The following SMARCA2 variants were observed in gnomAD, a reference collection of about 807,000 sequenced individuals.
SMARCA2 encodes SWI/SNF-related matrix-associated actin-dependent regulator of chromatin subfamily A member 2.
A neutral mutation model predicts 199.8 loss-of-function variants in SMARCA2; 61 were observed. That is an observed-to-expected ratio of 0.31 (90% CI 0.25 to 0.38). The LOEUF is 0.38. SMARCA2 is among the 10% of genes least tolerant of loss of function. The pLI is 1.00. For synonymous variants in SMARCA2, 935 were observed against 732.0 expected, an observed-to-expected ratio of 1.28 and a Z score of -4.48; for missense variants, 1,344 against 2,012.2, an observed-to-expected ratio of 0.67 and a Z score of 6.35.
intron 19 of SMARCA2, among the ~76,000 whole-genome samples, chr9:2,094,834 T>A (rs996836113): frequency 2.6e-5 from 4 of 152,158 alleles, no homozygotes; most frequent in African/African-American, 9.7e-5. Context: ...TATTAGTCCT[T>A]GATGTCATTT....
In SMARCA2 at chr9:2,016,633, T is replaced by C. The variant is rs1818364087; in HGVS notation, c.-37+1229T>C. Reference sequence around the variant, plus strand: ...CGCGCACCACCGGGCAGCGGCGGTGTGGTTCGCCCGGGAAGGGGAAGGGCT... The same window carrying C: ...CGCGCACCACCGGGCAGCGGCGGTGCGGTTCGCCCGGGAAGGGGAAGGGCT... On this transcript the variant is annotated intron_variant, in intron 1 of 33. Transcript: ENST00000349721. This position sits in a 1 kb window ranked among gnomAD's most constrained non-coding sequence, Gnocchi z 5.6. Among the ~76,000 whole-genome samples, 4 of 114,662 alleles carry C rather than the reference T, an allele frequency of 3.5e-5. No homozygotes were observed. Among genetic ancestry groups the C allele is most frequent in the African/African-American group, 1.3e-4 (4 of 30,150 alleles). 75.2% of individuals were successfully genotyped at this position (114,662 alleles called of 152,430 possible). A position where few individuals can be genotyped will look rare whatever the true frequency, so the allele number is the denominator to read the frequency against.
Position 2,017,015 on chromosome 9 carries a change from A to G in SMARCA2, c.-37+1611A>G, listed in dbSNP as rs1391159030. 1 of 151,742 alleles carries G rather than the reference A, an allele frequency of 6.6e-6. No homozygotes were observed. The highest frequency in any genetic ancestry group is 2.4e-5 in the African/African-American group (1 of 41,298). 9.4% of individuals were successfully genotyped at this position (151,742 alleles called of 1,614,324 possible). The stretch of plus-strand genomic sequence containing the variant: ...GGCCTCGCAGCCTGGGTGCAGTTAC[A>G]CGGCGGAGGGCGGGGCGCGGCAGTG... On this transcript the variant is annotated intron_variant, in intron 1 of 33. Coordinates refer to ENST00000349721, the MANE Select transcript of SMARCA2 (RefSeq NM_003070.5). This position sits in a 1 kb window ranked among gnomAD's most constrained non-coding sequence, Gnocchi z 8.8.
At chr9:2,129,066 C>CA (rs554307045) in intron 27 of SMARCA2, among the ~76,000 whole-genome samples, 74 of 152,284 alleles carry the variant, frequency 4.9e-4, no homozygotes, top group African/African-American at 1.8e-3. Context: ...TAGAACAACT[C>CA]ACAGAACTCA....
At chr9:2,187,732 T>C (rs1827573104) in intron 32 of SMARCA2, among the ~76,000 whole-genome samples, 1 of 151,980 alleles carries the variant, frequency 6.6e-6, no homozygotes, top group Non-Finnish European at 1.5e-5. Context: ...ATTTCTTCTT[T>C]CCTATGTGTG....
At chr9:2,109,792 T>G (rs12336319) in intron 23 of SMARCA2, among the ~76,000 whole-genome samples, 1 of 152,142 alleles carries the variant, frequency 6.6e-6, no homozygotes, top group South Asian at 2.1e-4. Context: ...CTTTCCTTTT[T>G]TTTCTATTTT....
intron 32 of SMARCA2, among the ~76,000 whole-genome samples, chr9:2,186,878 T>C (rs1368129569): frequency 6.6e-6 from 1 of 152,220 alleles, no homozygotes; most frequent in Admixed American, 6.5e-5. Context: ...ACACATTTTC[T>C]ACAACACTGC....
At position 2,038,531 on chromosome 9, in the gene SMARCA2, G is replaced by A. The variant is rs561963475; in HGVS notation, c.356-935G>A. The stretch of plus-strand genomic sequence containing the variant: ...GTGGCTTAACCAGTGACTGCTGATT[G>A]CAGGAGTATAAGTACCCCAGCTTCT... On this transcript the variant is annotated intron_variant, in intron 3 of 33. Coordinates refer to ENST00000349721, the MANE Select transcript of SMARCA2 (RefSeq NM_003070.5). Among the ~76,000 whole-genome samples the A allele has an allele frequency of 5.3e-5, 8 of 152,256 alleles. No individual in the cohort carries two copies. In the South Asian group the frequency reaches 1.7e-3, roughly 32 times the overall value.
intron 27 of SMARCA2, chr9:2,157,830 G>A: frequency 2.5e-6 from 1 of 398,406 alleles, no homozygotes; most frequent in African/African-American, 2.1e-5. Flanking sequence ...CCACCGGGTT[G>A]AGAAGAAGGC....
chr9:2,159,692 G>C, intron 27 of SMARCA2: 1 of 1,284,696 alleles, frequency 7.8e-7, no homozygotes, highest in Non-Finnish European at 1.1e-6. Flanking sequence ...CCTTGTAGTA[G>C]GTAGCATGAA....
rs77932093 is a variant in SMARCA2 at position 2,092,829 on chromosome 9, A to G, written c.2884-3828A>G. On this transcript the variant is annotated intron_variant, in intron 19 of 33. Coordinates refer to ENST00000349721, the MANE Select transcript of SMARCA2 (RefSeq NM_003070.5). ...CCCCCGTGAAGAAGTCACAAGTTTC[A>G]TTTGCTATAGCACCAGTATATTTTG... is the stretch of plus-strand genomic sequence containing the variant. 9.9e-3 allele frequency among the ~76,000 whole-genome samples: 1,501 copies of G among 152,340 alleles called. 4 individuals carry two copies. The highest frequency in any genetic ancestry group is 0.017 in the Non-Finnish European group (1,147 of 68,028).
In SMARCA2 at chr9:2,119,575, C is replaced by T. The variant is rs370927830; in HGVS notation, c.3762+40C>T. 8 of 1,356,514 alleles carry T rather than the reference C, an allele frequency of 5.9e-6. No individual in the cohort carries two copies. Among genetic ancestry groups the T allele is most frequent in the Non-Finnish European group, 8.4e-6 (8 of 947,338 alleles). 84.0% of individuals were successfully genotyped at this position (1,356,514 alleles called of 1,614,324 possible). On this transcript the variant is annotated intron_variant, in intron 26 of 33. Coordinates refer to ENST00000349721, the MANE Select transcript of SMARCA2 (RefSeq NM_003070.5). This position sits in a 1 kb window ranked among gnomAD's most constrained non-coding sequence, Gnocchi z 4.6. ...AATCATGAACACAAATGCTTTATAC[C>T]TCTGCCCCTTTTTCTGTTAAGCAGA...
At chr9:2,190,808 G>A (rs1827826376) in intron 32 of SMARCA2, among the ~76,000 whole-genome samples, 1 of 152,192 alleles carries the variant, frequency 6.6e-6, no homozygotes, top group Non-Finnish European at 1.5e-5. Context: ...TTAAAAATAT[G>A]ATTGAACTAT....
At chr9:2,027,905 C>T (rs1467227668) in intron 1 of SMARCA2, 2 of 152,208 alleles carry the variant, frequency 1.3e-5, no homozygotes, top group Non-Finnish European at 2.9e-5. Flanking sequence ...TAGTGGAATT[C>T]AGCTATCTTG....
At position 2,170,525 on chromosome 9, in the gene SMARCA2, C is replaced by T. The variant is rs73641005; in HGVS notation, c.4253+53C>T. On this transcript the variant is annotated intron_variant, in intron 29 of 33. Transcript: ENST00000349721. The surrounding 1 kb of genome is among the most constrained non-coding windows in gnomAD (Gnocchi z 4.7). ...CTCTAAATACAGGTATCCCTCGTTA[C>T]GTGAAACAGATTGAATCATATAATC... 11,408 of 1,612,866 alleles carry T rather than the reference C, an allele frequency of 7.1e-3. 650 individuals carry two copies. In the African/African-American group the frequency reaches 0.13, roughly 18 times the overall value.
intron 19 of SMARCA2, among the ~76,000 whole-genome samples, chr9:2,090,267 A>G (rs1380609003): frequency 6.6e-6 from 1 of 152,218 alleles, no homozygotes; most frequent in African/African-American, 2.4e-5. Flanking sequence ...TCTCTTGCAT[A>G]AAGTATACAT....
chr9:2,072,559 C>T (rs56105441), intron 10 of SMARCA2, among the ~76,000 whole-genome samples: 2,386 of 152,314 alleles, frequency 0.016, 49 homozygotes, highest in African/African-American at 0.052. Context: ...CCAAACCAGC[C>T]ACTCATGAGA....
rs1563716695 is a variant in SMARCA2 at position 2,029,236 on chromosome 9, C to G, written c.214C>G (p.Gln72Glu). 4 of 1,610,866 alleles carry G rather than the reference C, an allele frequency of 2.5e-6. No homozygotes were observed. Residue 72 changes from glutamine (Q) to glutamate (E), a missense_variant, in exon 2 of 34, where the codon CAA becomes GAA. Around this residue, in one of 18 missense-constraint regions of SMARCA2, gnomAD observed 275 missense variants for 247.5 expected, o/e 1.11. Coordinates refer to ENST00000349721, the MANE Select transcript of SMARCA2 (RefSeq NM_003070.5). Reference sequence around the variant, plus strand: ...AGACTTCCCACAGGAAGGCATGCATCAAATGCATAAGGTAAGAGTTTGTTC... The same window carrying G: ...AGACTTCCCACAGGAAGGCATGCATGAAATGCATAAGGTAAGAGTTTGTTC... ...STDFPQEGMH[Q>E]MHKPIDGIHD...
chr9:2,150,160 T>C (rs1328252331), intron 27 of SMARCA2, among the ~76,000 whole-genome samples: 2 of 151,654 alleles, frequency 1.3e-5, no homozygotes, highest in African/African-American at 4.8e-5. Flanking sequence ...TCACACAGTA[T>C]ACTTTTTGCA....
intron 1 of SMARCA2, among the ~76,000 whole-genome samples, chr9:2,024,271 C>A (rs1818729167): frequency 6.6e-6 from 1 of 152,150 alleles, no homozygotes; most frequent in Non-Finnish European, 1.5e-5. Flanking sequence ...TCCTTTCTCT[C>A]CTGTAACCTC....
Sources: allele counts gnomAD v4.1 joint callset (sites outside exome capture counted in the v4.1 genomes callset), GRCh38; gene constraint gnomAD v4.1.1; regional missense constraint gnomAD v4.1.1; non-coding constraint Gnocchi (gnomAD v3.1); transcripts MANE v1.5; gene names NCBI Gene and HGNC (gene_info 2026-07-23, HGNC 2026-07-21).